Variants in NLE1 observed in about 807,000 individuals in gnomAD.
NLE1 encodes notchless homolog 1.
A neutral mutation model predicts 62.8 loss-of-function variants in NLE1; 37 were observed. The ratio of observed to expected loss-of-function variants is 0.59; its 90% CI spans 0.45 to 0.78. The LOEUF is 0.78. Ranked by LOEUF, NLE1 falls within the 30% of genes least tolerant of loss-of-function variation. The probability of loss-of-function intolerance (pLI) is 0.00; values close to 1 mark genes in which losing one functional copy is unlikely to be tolerated. For missense variants in NLE1, 555 were observed against 637.9 expected (o/e 0.87, Z 1.40); for synonymous variants, 243 against 253.0 (o/e 0.96, Z 0.37).
chr17:35,140,736 G>A (rs1338506945), intron 2 of NLE1, among the ~76,000 whole-genome samples: 6 of 151,580 alleles, frequency 4.0e-5, no homozygotes, highest in South Asian at 2.1e-4. Flanking sequence ...GACTACAGGC[G>A]CCTGCCACCA....
rs781677608 is a variant in NLE1, at chr17:35,129,823, G to A, written c.*2614C>T. 2 of 1,435,238 alleles carry A rather than the reference G, an allele frequency of 1.4e-6. No homozygotes were observed. Among genetic ancestry groups the A allele is most frequent in the Admixed American group, 2.8e-5 (1 of 35,252 alleles). 88.9% of individuals were successfully genotyped at this position (1,435,238 alleles called of 1,614,324 possible). A position where few individuals can be genotyped will look rare whatever the true frequency, so the allele number is the denominator to read the frequency against. On this transcript the variant is annotated 3_prime_UTR_variant, in exon 13 of 13. Coordinates refer to ENST00000442241, the MANE Select transcript of NLE1 (RefSeq NM_018096.5). ...AATTCCAGAATGCATGCTTCTGGGA[G>A]GTTTAAGGATTAAGCCACTCTGGGG... is the stretch of plus-strand genomic sequence containing the variant.
intron 8 of NLE1, 58 bp from the exon 9 acceptor site, chr17:35,136,273 T>C: frequency 5.6e-6 from 9 of 1,612,694 alleles, no homozygotes; most frequent in Non-Finnish European, 7.6e-6. Flanking sequence ...GATAAGAAAA[T>C]CCAACACAAA....
At position 35,133,486 on chromosome 17, in the gene NLE1, G is replaced by C; in HGVS notation, c.1227C>G (p.Ser409=). Residue 409 remains serine (S), a synonymous_variant, in exon 11 of 13, where the codon TCC becomes TCG. Transcript: ENST00000442241. The part of the protein sequence containing the change: ...WDGRTGKYLA[S]LRGHVAAVYQ... The stretch of plus-strand genomic sequence containing the variant: ...ACACGGCAGCCACGTGGCCGCGTAG[G>C]GAAGCCAGGTACCTGGTCCAGGAGA... 1 of 1,612,184 alleles carries C rather than the reference G, an allele frequency of 6.2e-7. No homozygotes were observed. Among genetic ancestry groups the C allele is most frequent in the South Asian group, 1.1e-5 (1 of 90,870 alleles).
chr17:35,136,249 T>G (rs760262182), intron 8 of NLE1, 34 bp from the exon 9 acceptor site: 9 of 1,613,704 alleles, frequency 5.6e-6, no homozygotes, highest in Non-Finnish European at 6.8e-6. Flanking sequence ...GAAAAGGAGA[T>G]GAGGAAGAAG....
chr17:35,136,539 C>A, intron 7 of NLE1, 42 bp from the exon 8 acceptor site: 1 of 1,583,460 alleles, frequency 6.3e-7, no homozygotes, highest in Non-Finnish European at 8.6e-7. Flanking sequence ...CACTCCTCCC[C>A]ACGCCTGGGC....
rs769220051 is a variant in NLE1, at chr17:35,130,383, G to A, written c.*2054C>T. ...CCCGGCAAAAGATCGTGTCCATCGG[G>A]CCGGAGGAGATGCGGAGGCTGGAGG... On this transcript the variant is annotated 3_prime_UTR_variant, in exon 13 of 13. Transcript: ENST00000442241. 7.4e-6 allele frequency: 12 copies of A among 1,614,120 alleles called. No individual in the cohort carries two copies. Among genetic ancestry groups the A allele is most frequent in the Non-Finnish European group, 3.4e-6 (4 of 1,179,998 alleles).
rs59168417 is a variant in NLE1, at chr17:35,130,231, C to T, written c.*2206G>A. 8,778 of 1,591,878 alleles carry T rather than the reference C, an allele frequency of 5.5e-3. 386 individuals carry two copies. The East Asian group carries it at 0.11, about 20-fold the overall frequency. ...GGGGTGATAGAGACAGAGAGAGAGC[C>T]AGGTTCAGATCTGGGAAGGAACTCT... is the stretch of plus-strand genomic sequence containing the variant. On this transcript the variant is annotated 3_prime_UTR_variant, in exon 13 of 13. Coordinates refer to ENST00000442241, the MANE Select transcript of NLE1 (RefSeq NM_018096.5).
intron 1 of NLE1, 36 bp from the exon 2 acceptor site, chr17:35,142,158 GCCCGC>G: frequency 6.2e-7 from 1 of 1,606,368 alleles, no homozygotes; most frequent in Non-Finnish European, 8.5e-7. Flanking sequence ...CAGTCTGGTC[GCCCGC>G]CCAGAAGGGC....
rs1011240348 is a variant in NLE1 at position 35,132,337 on chromosome 17, G to T, written c.*100C>A. 44 of 1,067,822 alleles carry T rather than the reference G, an allele frequency of 4.1e-5. No individual in the cohort carries two copies. Among genetic ancestry groups the T allele is most frequent in the Non-Finnish European group, 5.6e-5 (44 of 786,344 alleles). The allele number at this position is 1,067,822 out of a possible 1,614,324, so 66.1% of individuals were successfully genotyped here. A position where few individuals can be genotyped will look rare whatever the true frequency, so the allele number is the denominator to read the frequency against. On this transcript the variant is annotated 3_prime_UTR_variant, in exon 13 of 13. Coordinates refer to ENST00000442241, the MANE Select transcript of NLE1 (RefSeq NM_018096.5). ...GCATTCTCAGGTCCCCACTGGTGGGGAGGGTGTGTGCACTGCCATCTCAGC... is the reference window on the plus strand; with the variant it reads ...GCATTCTCAGGTCCCCACTGGTGGGTAGGGTGTGTGCACTGCCATCTCAGC...
At position 35,133,171 on chromosome 17, in the gene NLE1, A is replaced by T. The variant is rs201248090; in HGVS notation, c.1445T>A (p.Ile482Lys). The T allele has an allele frequency of 6.2e-7, 1 of 1,614,022 alleles. No homozygotes were observed. The highest frequency in any genetic ancestry group is 8.5e-7 in the Non-Finnish European group (1 of 1,179,902). ...CAACCACCACTTCCCCCACACTCAC[A>T]TCCGGAGGCATTTGTCCTTCCCACC... The part of the protein sequence containing the change: ...ASGGKDKCLR[I>K]WRR The change falls in exon 12 of 13, where the codon ATA (isoleucine) becomes AAA (lysine). Residue 482 changes from isoleucine to lysine, a missense_variant and splice_region_variant. Transcript: ENST00000442241.
At chr17:35,139,673 C>T (rs932204702) in intron 3 of NLE1, 176 bp downstream of exon 3, 2 of 866,400 alleles carry the variant, frequency 2.3e-6, no homozygotes, top group Admixed American at 2.9e-5. Context: ...CCTTAAGCAG[C>T]CTTTGGGGAC....
At chr17:35,141,889 G>A (rs1443531638) in intron 2 of NLE1, 90 bp downstream of exon 2, 18 of 1,403,160 alleles carry the variant, frequency 1.3e-5, no homozygotes, top group Middle Eastern at 2.3e-4. Context: ...GTTAGCGGGG[G>A]ACCATGAACC....
chr17:35,139,646 T>C (rs549555591), intron 3 of NLE1, among the ~76,000 whole-genome samples: 1 of 152,312 alleles, frequency 6.6e-6, no homozygotes, highest in African/African-American at 2.4e-5. Context: ...TAGGAGAGGT[T>C]TGTCCAAGGC....
intron 4 of NLE1, 143 bp from the exon 5 acceptor site, chr17:35,138,033 G>A (rs960806527): frequency 1.4e-5 from 9 of 631,680 alleles, no homozygotes; most frequent in South Asian, 1.4e-4. Context: ...GCTTTCTGGG[G>A]ATGGATAGAA....
chr17:35,134,072 C>T (rs2091893953), intron 10 of NLE1, among the ~76,000 whole-genome samples: 1 of 152,194 alleles, frequency 6.6e-6, no homozygotes, highest in Middle Eastern at 3.2e-3. Context: ...TTGCCTGTGC[C>T]TTTGCCTCTC....
In NLE1 at chr17:35,137,110, C is replaced by T. The variant is rs767395584; in HGVS notation, c.719G>A (p.Arg240His). ...CGACTGGGTGTGCCCGGTGAGGATG[C>T]GCTCACAGCGGCCTGCAGTTGTGTC... ...IWDTTAGRCE[R>H]ILTGHTQSVT... Residue 240 changes from arginine to histidine, a missense_variant, in exon 7 of 13, where the codon CGC (arginine) becomes CAC (histidine). Physicochemically the swap from Arg to His is conservative, Grantham distance 29. Transcript: ENST00000442241. 13 of 1,613,802 alleles carry T rather than the reference C, an allele frequency of 8.1e-6. No homozygotes were observed. The highest frequency in any genetic ancestry group is 1.6e-4 in the Middle Eastern group (1 of 6,084).
At chr17:35,139,695 G>A (rs1214389807) in intron 3 of NLE1, 154 bp downstream of exon 3, 6 of 1,064,832 alleles carry the variant, frequency 5.6e-6, no homozygotes, top group Non-Finnish European at 7.9e-6. Context: ...ATGCCCTACT[G>A]AGGAAGTCCC....
At chr17:35,138,784 CT>C in intron 4 of NLE1, among the ~76,000 whole-genome samples, 1 of 152,138 alleles carries the variant, frequency 6.6e-6, no homozygotes, top group East Asian at 1.9e-4. Flanking sequence ...CGGGGCAATT[CT>C]GATTTGTGCT....
At chr17:35,136,600 T>C (rs2091910431) in intron 7 of NLE1, 103 bp from the exon 8 acceptor site, 5 of 1,388,848 alleles carry the variant, frequency 3.6e-6, no homozygotes, top group Admixed American at 2.2e-5. Flanking sequence ...TCATCACTCA[T>C]GCATTGTGAT....
Sources: gnomAD v4.1 joint callset for allele counts (sites outside exome capture counted in the v4.1 genomes callset) on GRCh38, gnomAD v4.1.1 for gene constraint, MANE v1.5 for transcripts, NCBI Gene and HGNC (gene_info 2026-07-23, HGNC 2026-07-21) for gene names.